Variants in NFKB1 observed in about 807,000 individuals in gnomAD.
NFKB1 encodes the protein nuclear factor kappa B subunit 1, also known as nuclear factor NF-kappa-B p105 subunit.
In NFKB1, 9 loss-of-function variants were observed where a neutral mutation model predicts 105.1. That is an observed-to-expected ratio of 0.09 (90% CI 0.05 to 0.15). NFKB1 has a LOEUF of 0.15. Ranked by LOEUF, NFKB1 falls within the 10% of genes least tolerant of loss-of-function variation. The pLI is 1.00. For missense variants in NFKB1, 830 were observed against 1,203.7 expected (o/e 0.69, Z 4.59); for synonymous variants, 440 against 442.2 (o/e 1.00, Z 0.06).
chr4:102,533,660 T>C (rs1476531304), intron 3 of NFKB1, among the ~76,000 whole-genome samples, 185 bp from the exon 4 acceptor site: 1 of 152,212 alleles, frequency 6.6e-6, no homozygotes, highest in African/African-American at 2.4e-5. Context: ...ATTGTTAAAA[T>C]AAGGGTTAAT....
At chr4:102,602,615 G>A (rs969473213) in intron 16 of NFKB1, among the ~76,000 whole-genome samples, 5 of 151,668 alleles carry the variant, frequency 3.3e-5, no homozygotes, top group African/African-American at 1.2e-4. Flanking sequence ...GCTCTTAATA[G>A]TTTTTACCTG....
chr4:102,599,481 G>A (rs1180734529), intron 15 of NFKB1, among the ~76,000 whole-genome samples: 5 of 152,170 alleles, frequency 3.3e-5, no homozygotes, highest in East Asian at 1.9e-4. Context: ...CCTGTACCTC[G>A]TGTCCCAGAT....
At chr4:102,510,761 A>G in intron 1 of NFKB1, 1 of 190,198 alleles carries the variant, frequency 5.3e-6, no homozygotes, top group Non-Finnish European at 1.0e-5. Context: ...AATTGAATGT[A>G]AAGTTTAATA....
intron 5 of NFKB1, among the ~76,000 whole-genome samples, chr4:102,547,987 AGT>A (rs1406387120): frequency 6.6e-6 from 1 of 152,140 alleles, no homozygotes; most frequent in Non-Finnish European, 1.5e-5. Flanking sequence ...TTTGTAGGGC[AGT>A]GTTTTAATTT....
intron 16 of NFKB1, among the ~76,000 whole-genome samples, chr4:102,603,222 A>G (rs1166968007): frequency 1.3e-5 from 2 of 151,728 alleles, no homozygotes; most frequent in South Asian, 4.2e-4. Flanking sequence ...ACAGGCGTGC[A>G]CCACCACACC....
At chr4:102,546,617 T>C (rs1397317875) in intron 5 of NFKB1, among the ~76,000 whole-genome samples, 1 of 152,172 alleles carries the variant, frequency 6.6e-6, no homozygotes, top group Non-Finnish European at 1.5e-5. Context: ...TGGGTGGACT[T>C]TGGGGCCACA....
Position 102,603,134 on chromosome 4 carries a change from G to A in NFKB1, c.1752+2125G>A, listed in dbSNP as rs768499240. 3.1e-4 allele frequency among the ~76,000 whole-genome samples: 47 copies of A among 152,174 alleles called. No homozygotes were observed. In the East Asian group the frequency reaches 3.7e-3, roughly 12 times the overall value. ...GTCACCCAGACTGGAATGCAGTGGC[G>A]CGATCTCGGCTCACTGCAACCTCCA... On this transcript the variant is annotated intron_variant, in intron 16 of 23. Transcript: ENST00000226574.
At chr4:102,515,413 T>G (rs1024258580) in intron 1 of NFKB1, among the ~76,000 whole-genome samples, 3 of 152,096 alleles carry the variant, frequency 2.0e-5, no homozygotes, top group African/African-American at 4.8e-5. Context: ...CCCGGCCCCA[T>G]GTAATATTAT....
At chr4:102,561,961 G>T (rs1485220588) in intron 5 of NFKB1, among the ~76,000 whole-genome samples, 1 of 152,156 alleles carries the variant, frequency 6.6e-6, no homozygotes, top group African/African-American at 2.4e-5. Context: ...GAGCCTTGTG[G>T]GCTAAAGTGG....
chr4:102,525,096 AC>A (rs1357001198), intron 1 of NFKB1, among the ~76,000 whole-genome samples: 2 of 152,136 alleles, frequency 1.3e-5, no homozygotes, highest in Non-Finnish European at 2.9e-5. Context: ...CAGTTCTGGG[AC>A]CATCACAAGG....
intron 1 of NFKB1, among the ~76,000 whole-genome samples, chr4:102,515,090 A>ATATTATTAT (rs1422166284): frequency 2.3e-5 from 3 of 130,932 alleles, no homozygotes; most frequent in African/African-American, 8.6e-5. Context: ...GTTCCATGTA[A>ATATTATTAT]TATTATTATT....
intron 5 of NFKB1, among the ~76,000 whole-genome samples, chr4:102,552,134 G>A (rs1202446491): frequency 6.6e-6 from 1 of 152,186 alleles, no homozygotes; most frequent in Non-Finnish European, 1.5e-5. Context: ...GGAATACAGT[G>A]TAGTACTGCT....
intron 5 of NFKB1, among the ~76,000 whole-genome samples, chr4:102,538,379 G>A (rs905684822): frequency 6.6e-6 from 1 of 152,138 alleles, no homozygotes; most frequent in Non-Finnish European, 1.5e-5. Context: ...TTTGTTATTA[G>A]CTGTGTAGCT....
intron 5 of NFKB1, among the ~76,000 whole-genome samples, chr4:102,544,860 AT>A (rs1560658916): frequency 6.6e-6 from 1 of 151,996 alleles, no homozygotes; most frequent in African/African-American, 2.4e-5. Flanking sequence ...TGAATTTTAA[AT>A]TTTGTTTTGT....
rs186086139 is a variant in NFKB1, at chr4:102,586,917, T to G, written c.1066+2097T>G. 2.4e-3 allele frequency among the ~76,000 whole-genome samples: 360 copies of G among 152,342 alleles called. 2 individuals carry two copies. Among genetic ancestry groups the G allele is most frequent in the African/African-American group, 8.4e-3 (349 of 41,586 alleles). On this transcript the variant is annotated intron_variant, in intron 11 of 23. Coordinates refer to ENST00000226574, the MANE Select transcript of NFKB1 (RefSeq NM_003998.4). ...TGAAGAGGGCTTTCCTTTCCTAGAA[T>G]TCGTGCTGCCACAGGAGTGTTTAGA... is the stretch of plus-strand genomic sequence containing the variant.
chr4:102,612,675 C>A, intron 22 of NFKB1, 69 bp downstream of exon 22: 1 of 1,390,862 alleles, frequency 7.2e-7, no homozygotes, highest in Non-Finnish European at 1.0e-6. Flanking sequence ...CTGGCCAGGG[C>A]ATAATCTCCT....
intron 5 of NFKB1, among the ~76,000 whole-genome samples, chr4:102,558,230 C>T (rs1236593913): frequency 1.3e-5 from 2 of 151,846 alleles, no homozygotes; most frequent in Non-Finnish European, 2.9e-5. Flanking sequence ...TGTGTTGTTT[C>T]CCTCTATGTG....
At chr4:102,559,137 A>G (rs946703985) in intron 5 of NFKB1, among the ~76,000 whole-genome samples, 17 of 152,202 alleles carry the variant, frequency 1.1e-4, no homozygotes, top group African/African-American at 4.1e-4. Context: ...TGAGAAACTG[A>G]TGTGGCTGCA....
chr4:102,569,633 C>T (rs1039195260), intron 6 of NFKB1, among the ~76,000 whole-genome samples: 8 of 151,958 alleles, frequency 5.3e-5, no homozygotes, highest in Non-Finnish European at 1.2e-4. Flanking sequence ...TCCAACATAC[C>T]AAAAAAGATA....
Sources: allele counts gnomAD v4.1 joint callset (sites outside exome capture counted in the v4.1 genomes callset), GRCh38; gene constraint gnomAD v4.1.1; transcripts MANE v1.5; gene names NCBI Gene and HGNC (gene_info 2026-07-23, HGNC 2026-07-21).